Variants in PRKCZ observed in about 807,000 individuals in gnomAD.
PRKCZ encodes protein kinase C zeta type.
A neutral mutation model predicts 79.5 loss-of-function variants in PRKCZ; 33 were observed. The ratio of observed to expected loss-of-function variants is 0.41; its 90% CI spans 0.31 to 0.55. The LOEUF (loss-of-function observed/expected upper bound fraction) is 0.55. Among genes scored for constraint, PRKCZ ranks in the 20% least tolerant of loss-of-function variants. The probability of loss-of-function intolerance (pLI) is 0.19; values close to 1 mark genes in which losing one functional copy is unlikely to be tolerated. For missense variants in PRKCZ, 578 were observed against 813.5 expected (o/e 0.71, Z 3.52); for synonymous variants, 342 against 320.9 (o/e 1.07, Z -0.70).
chr1:2,157,267 C>G (rs959233641), intron 10 of PRKCZ, among the ~76,000 whole-genome samples: 2 of 152,174 alleles, frequency 1.3e-5, no homozygotes, highest in African/African-American at 4.8e-5. Flanking sequence ...AACAGGCATG[C>G]CCGGAAGTCA....
At chr1:2,150,156 C>T (rs1216259107) in intron 8 of PRKCZ, among the ~76,000 whole-genome samples, 18 of 134,660 alleles carry the variant, frequency 1.3e-4, no homozygotes, top group African/African-American at 4.2e-4. Flanking sequence ...AGCCAGACTC[C>T]GTCTCAAAAA....
rs948012327 is a variant in PRKCZ, at chr1:2,094,712, C to G, written c.334+35121C>G. Among the ~76,000 whole-genome samples, 2 of 150,604 alleles carry G rather than the reference C, an allele frequency of 1.3e-5. No homozygotes were observed. Among genetic ancestry groups the G allele is most frequent in the Admixed American group, 6.6e-5 (1 of 15,168 alleles). On this transcript the variant is annotated intron_variant, in intron 4 of 17. Transcript: ENST00000378567. This position sits in a 1 kb window ranked among gnomAD's most constrained non-coding sequence, Gnocchi z 7.3. ...CGCCCGCTGTGCCCGGCTCGTTGAA[C>G]CTTGGGCGCTGCCCGTTCTGAGGCG...
chr1:2,154,162 C>CA (rs1455476627), intron 9 of PRKCZ, among the ~76,000 whole-genome samples: 1 of 152,158 alleles, frequency 6.6e-6, no homozygotes, highest in Non-Finnish European at 1.5e-5. Context: ...GTGGAGGAGT[C>CA]ACCGCCGACC....
At chr1:2,071,846 T>A (rs1382628488) in intron 4 of PRKCZ, among the ~76,000 whole-genome samples, 2 of 152,250 alleles carry the variant, frequency 1.3e-5, no homozygotes, top group East Asian at 3.8e-4. Flanking sequence ...GAGCTGCTTC[T>A]GTCCAGGGCC....
At chr1:2,135,665 G>T (rs370199077) in intron 5 of PRKCZ, among the ~76,000 whole-genome samples, 3 of 152,224 alleles carry the variant, frequency 2.0e-5, no homozygotes, top group African/African-American at 7.2e-5. Flanking sequence ...CCAGAGTGGG[G>T]CGGCCGCATT....
At chr1:2,155,599 A>ATGACAGTGGTGG (rs1553167960) in intron 9 of PRKCZ, among the ~76,000 whole-genome samples, 1 of 89,150 alleles carries the variant, frequency 1.1e-5, no homozygotes, top group Non-Finnish European at 2.9e-5. Context: ...GGTGGTGGTG[A>ATGACAGTGGTGG]TGATGACAGT....
At chr1:2,120,775 A>G (rs1317809364) in intron 4 of PRKCZ, among the ~76,000 whole-genome samples, 2 of 150,244 alleles carry the variant, frequency 1.3e-5, no homozygotes, top group Non-Finnish European at 3.0e-5. Flanking sequence ...CTACTCTTAA[A>G]TCTACCCTTT....
rs1662299628 is a variant in PRKCZ, at chr1:2,075,822, A to G, written c.334+16231A>G. On this transcript the variant is annotated intron_variant, in intron 4 of 17. Coordinates refer to ENST00000378567, the MANE Select transcript of PRKCZ (RefSeq NM_002744.6). The surrounding 1 kb of genome is among the most constrained non-coding windows in gnomAD (Gnocchi z 4.8). ...CCAGGGCTGTCAATGGCCCCAGTGG[A>G]GAGGCCCACTGAGCATCCTGAGAAG... is the stretch of plus-strand genomic sequence containing the variant. 6.6e-6 allele frequency among the ~76,000 whole-genome samples: 1 copy of G among 152,202 alleles called. No homozygotes were observed. The highest frequency in any genetic ancestry group is 2.1e-4 in the South Asian group (1 of 4,828).
rs537129435 is a variant in PRKCZ at position 2,075,925 on chromosome 1, A to T, written c.334+16334A>T. ...ATCTGCCACACGTTTCTGATCGCCG[A>T]GGACTCAGCCGGGCACATGGAGGTT... On this transcript the variant is annotated intron_variant, in intron 4 of 17. Coordinates refer to ENST00000378567, the MANE Select transcript of PRKCZ (RefSeq NM_002744.6). This position sits in a 1 kb window ranked among gnomAD's most constrained non-coding sequence, Gnocchi z 4.8. 6.6e-6 allele frequency among the ~76,000 whole-genome samples: 1 copy of T among 152,336 alleles called. No individual in the cohort carries two copies. The highest frequency in any genetic ancestry group is 1.9e-4 in the East Asian group (1 of 5,178).
At chr1:2,158,432 G>A (rs1226076065) in intron 10 of PRKCZ, among the ~76,000 whole-genome samples, 3 of 152,236 alleles carry the variant, frequency 2.0e-5, no homozygotes, top group Non-Finnish European at 2.9e-5. Flanking sequence ...GCCCTCGCCC[G>A]CACCGCCTGC....
At chr1:2,099,024 G>A (rs1041088648) in intron 4 of PRKCZ, among the ~76,000 whole-genome samples, 5 of 151,384 alleles carry the variant, frequency 3.3e-5, no homozygotes, top group African/African-American at 7.4e-5. Context: ...CGCATGCACC[G>A]TTGTCTGTGC....
At chr1:2,103,540 C>T (rs1257748641) in intron 4 of PRKCZ, among the ~76,000 whole-genome samples, 1 of 152,138 alleles carries the variant, frequency 6.6e-6, no homozygotes, top group Middle Eastern at 3.2e-3. Context: ...CTCCATCAGT[C>T]ATGCAGTCAT....
intron 11 of PRKCZ, 119 bp downstream of exon 11, chr1:2,169,723 G>A: frequency 2.7e-6 from 1 of 366,878 alleles, no homozygotes. Context: ...TGCGCGCGGA[G>A]TTGGGGGGCC....
intron 4 of PRKCZ, among the ~76,000 whole-genome samples, chr1:2,067,285 T>C (rs1002276352): frequency 6.6e-6 from 1 of 152,236 alleles, no homozygotes; most frequent in Non-Finnish European, 1.5e-5. Context: ...TGCGGGTTAC[T>C]GTGTTGTTCA....
intron 4 of PRKCZ, among the ~76,000 whole-genome samples, chr1:2,124,219 C>G (rs72468221): frequency 0.05 from 119 of 2,376 alleles, 28 homozygotes; most frequent in African/African-American, 0.3. Flanking sequence ...CTGTAGTTAG[C>G]GTCACGGTGG....
chr1:2,155,680 A>G (rs1680882774), intron 9 of PRKCZ, among the ~76,000 whole-genome samples: 1 of 135,638 alleles, frequency 7.4e-6, no homozygotes, highest in Admixed American at 7.4e-5. Context: ...TGGAGGTGGG[A>G]GGGATGGTGA....
rs1221970577 is a variant in PRKCZ at position 2,128,981 on chromosome 1, G to C, written c.335-6281G>C. 6.6e-6 allele frequency among the ~76,000 whole-genome samples: 1 copy of C among 152,042 alleles called. No homozygotes were observed. The highest frequency in any genetic ancestry group is 1.5e-5 in the Non-Finnish European group (1 of 68,024). On this transcript the variant is annotated intron_variant, in intron 4 of 17. Transcript: ENST00000378567. This position sits in a 1 kb window ranked among gnomAD's most constrained non-coding sequence, Gnocchi z 6.5. ...TTTCACAGCGCTGTCTGTCGCTTAG[G>C]TCAGAAATAGGCCCATCGCTTTCCA...
chr1:2,095,267 C>T (rs985619949), intron 4 of PRKCZ, among the ~76,000 whole-genome samples: 1 of 152,194 alleles, frequency 6.6e-6, no homozygotes, highest in Admixed American at 6.5e-5. Flanking sequence ...AGGGGAGGGC[C>T]TGCCCTCCTG....
rs12137653 is a variant in PRKCZ at position 2,168,443 on chromosome 1, G to A, written c.975-1075G>A. On this transcript the variant is annotated intron_variant, in intron 10 of 17. Transcript: ENST00000378567. This position sits in a 1 kb window ranked among gnomAD's most constrained non-coding sequence, Gnocchi z 4.7. ...GCACGGCTTATTCTTCAGGGTGCCCGACTGGCCACGTGGACGTCTCTCCAG... is the reference window on the plus strand; with the variant it reads ...GCACGGCTTATTCTTCAGGGTGCCCAACTGGCCACGTGGACGTCTCTCCAG... Among the ~76,000 whole-genome samples, 1,913 of 152,266 alleles carry A rather than the reference G, an allele frequency of 0.013. 20 individuals carry two copies. Among genetic ancestry groups the A allele is most frequent in the Non-Finnish European group, 0.019 (1,317 of 68,020 alleles).
Sources: gnomAD v4.1 joint callset for allele counts (sites outside exome capture counted in the v4.1 genomes callset) on GRCh38, gnomAD v4.1.1 for gene constraint, Gnocchi (gnomAD v3.1) non-coding constraint, MANE v1.5 for transcripts, NCBI Gene and HGNC (gene_info 2026-07-23, HGNC 2026-07-21) for gene names.